COL24A1: variants seen among roughly 807,000 people sequenced by gnomAD.
COL24A1 encodes collagen alpha-1(XXIV) chain.
COL24A1 carries 224 observed loss-of-function variants against 253.9 expected under a neutral mutation model. That is an observed-to-expected ratio of 0.88 (90% CI 0.79 to 0.99). The LOEUF is 0.99. COL24A1 is among the 50% of genes least tolerant of loss of function. The pLI, the probability that COL24A1 is intolerant of heterozygous loss-of-function variation, is 0.00. For synonymous variants in COL24A1, 685 were observed against 673.7 expected, an observed-to-expected ratio of 1.02 and a Z score of -0.26; for missense variants, 2,131 against 2,068.5, an observed-to-expected ratio of 1.03 and a Z score of -0.59.
At chr1:85,866,239 A>G (rs1018609664) in intron 37 of COL24A1, among the ~76,000 whole-genome samples, 4 of 152,048 alleles carry the variant, frequency 2.6e-5, no homozygotes, top group Non-Finnish European at 5.9e-5. Flanking sequence ...CTTCTGGGTG[A>G]GAGTGAGACT....
intron 14 of COL24A1, among the ~76,000 whole-genome samples, chr1:86,026,516 C>T (rs560847386): frequency 1.3e-5 from 2 of 152,318 alleles, no homozygotes; most frequent in South Asian, 2.1e-4. Context: ...CTCACTCCGT[C>T]CTGCCACCCT....
intron 24 of COL24A1, among the ~76,000 whole-genome samples, chr1:85,919,499 T>G (rs1686234985): frequency 6.6e-6 from 1 of 152,112 alleles, no homozygotes. Context: ...GGCAACAAAG[T>G]GAGACCCTGT....
intron 32 of COL24A1, among the ~76,000 whole-genome samples, chr1:85,877,449 G>A (rs777664278): frequency 2.0e-5 from 3 of 152,066 alleles, no homozygotes; most frequent in Non-Finnish European, 4.4e-5. Context: ...TGCAACCTCC[G>A]CCTCCCAGGT....
At chr1:85,967,808 A>G (rs1691716886) in intron 22 of COL24A1, among the ~76,000 whole-genome samples, 1 of 152,148 alleles carries the variant, frequency 6.6e-6, no homozygotes. Flanking sequence ...TGCTCATCTG[A>G]CAGGAGGTGA....
At chr1:86,026,780 G>C (rs182736291) in intron 14 of COL24A1, among the ~76,000 whole-genome samples, 1 of 152,342 alleles carries the variant, frequency 6.6e-6, no homozygotes, top group Admixed American at 6.5e-5. Flanking sequence ...GGCTGGAACA[G>C]TGTGGAGGGC....
chr1:85,962,137 G>A (rs1008246648), intron 23 of COL24A1, among the ~76,000 whole-genome samples: 8 of 152,106 alleles, frequency 5.3e-5, no homozygotes, highest in African/African-American at 1.9e-4. Context: ...CCACAGGGAT[G>A]TTCTATTTGC....
At chr1:86,007,504 AC>A (rs1314702711) in intron 19 of COL24A1, among the ~76,000 whole-genome samples, 1 of 152,140 alleles carries the variant, frequency 6.6e-6, no homozygotes. Flanking sequence ...TCCACACAAA[AC>A]CCTGCACATG....
intron 3 of COL24A1, among the ~76,000 whole-genome samples, chr1:86,116,839 T>C (rs776539711): frequency 4.6e-5 from 7 of 152,170 alleles, no homozygotes; most frequent in Non-Finnish European, 8.8e-5. Context: ...GAAATGCTAT[T>C]TCTATTCAGC....
chr1:85,986,719 C>A (rs1693751291), intron 20 of COL24A1, among the ~76,000 whole-genome samples: 1 of 151,758 alleles, frequency 6.6e-6, no homozygotes. Context: ...GAGTACTGTG[C>A]TGCTCAATAT....
At chr1:86,043,302 A>G (rs1399478460) in intron 12 of COL24A1, among the ~76,000 whole-genome samples, 1 of 152,128 alleles carries the variant, frequency 6.6e-6, no homozygotes, top group Non-Finnish European at 1.5e-5. Context: ...AGAAATCAAA[A>G]CATATCGTGT....
intron 7 of COL24A1, among the ~76,000 whole-genome samples, chr1:86,077,775 G>T (rs1415804544): frequency 6.6e-6 from 1 of 152,076 alleles, no homozygotes; most frequent in Non-Finnish European, 1.5e-5. Flanking sequence ...ACTCAAAAGT[G>T]GGAGCTGAAC....
chr1:85,998,822 G>A (rs139403319), intron 19 of COL24A1, among the ~76,000 whole-genome samples: 1 of 152,200 alleles, frequency 6.6e-6, no homozygotes, highest in Non-Finnish European at 1.5e-5. Flanking sequence ...TACCGCATAT[G>A]CAAGTATCAT....
At chr1:85,879,246 GGTGTGTGTGTGT>G (rs5775875) in intron 32 of COL24A1, among the ~76,000 whole-genome samples, 17 of 147,194 alleles carry the variant, frequency 1.2e-4, no homozygotes, top group East Asian at 2.0e-4. Flanking sequence ...TCATTTTGAG[GGTGTGTGTGTGT>G]GTGTGTGTGT....
intron 37 of COL24A1, among the ~76,000 whole-genome samples, chr1:85,864,891 G>A (rs572179348): frequency 4.4e-4 from 67 of 152,266 alleles, no homozygotes; most frequent in African/African-American, 1.6e-3. Flanking sequence ...CACAGTGGTA[G>A]ATTTTTTAGC....
At chr1:85,974,989 A>G (rs1692519122) in intron 20 of COL24A1, among the ~76,000 whole-genome samples, 1 of 152,174 alleles carries the variant, frequency 6.6e-6, no homozygotes, top group African/African-American at 2.4e-5. Context: ...CATTTCTCAA[A>G]GGGAGACATA....
intron 24 of COL24A1, among the ~76,000 whole-genome samples, chr1:85,923,660 T>C (rs1418008297): frequency 1.3e-5 from 2 of 152,032 alleles, no homozygotes; most frequent in South Asian, 2.1e-4. Flanking sequence ...CTCTGGGACA[T>C]ATTAAAAGCA....
intron 24 of COL24A1, among the ~76,000 whole-genome samples, chr1:85,934,447 T>TAC (rs1191566314): frequency 6.6e-6 from 1 of 152,240 alleles, no homozygotes; most frequent in East Asian, 1.9e-4. Context: ...TTTTAAGTTA[T>TAC]ACACTTCTTT....
chr1:85,867,294 T>C (rs1448580782), intron 37 of COL24A1, among the ~76,000 whole-genome samples: 2 of 152,234 alleles, frequency 1.3e-5, no homozygotes, highest in African/African-American at 4.8e-5. Flanking sequence ...CCTGCCTGCA[T>C]GATCAGTTTA....
At chr1:85,923,745 A>G (rs1042289186) in intron 24 of COL24A1, among the ~76,000 whole-genome samples, 2 of 152,326 alleles carry the variant, frequency 1.3e-5, no homozygotes, top group African/African-American at 4.8e-5. Context: ...ACACCCTAAC[A>G]TAACAATTGA....
Sources: allele counts gnomAD v4.1 joint callset (sites outside exome capture counted in the v4.1 genomes callset), GRCh38; gene constraint gnomAD v4.1.1; transcripts MANE v1.5; gene names NCBI Gene and HGNC (gene_info 2026-07-23, HGNC 2026-07-21).